The following BDKRB2 variants were observed in gnomAD, a reference collection of about 807,000 sequenced individuals.
BDKRB2 encodes B2 bradykinin receptor.
BDKRB2 carries 6 observed loss-of-function variants against 4.0 expected under a neutral mutation model. The ratio of observed to expected loss-of-function variants is 1.49; its 90% CI spans 0.81 to 2.93. The LOEUF is 2.93. Among genes scored for constraint, BDKRB2 ranks in the 30% most tolerant of loss-of-function variants. BDKRB2 has a pLI of 0.00. For missense variants in BDKRB2, 478 were observed against 520.1 expected (o/e 0.92, Z 0.79); for synonymous variants, 225 against 215.3 (o/e 1.05, Z -0.40).
rs113003845 is a variant in BDKRB2, at chr14:96,244,103, G to A, written c.*2599G>A. 1.1e-3 allele frequency: 425 copies of A among 398,340 alleles called. 1 individual carries two copies. The highest frequency in any genetic ancestry group is 7.6e-3 in the African/African-American group (371 of 48,744). 24.7% of individuals were successfully genotyped at this position (398,340 alleles called of 1,614,324 possible). A position where few individuals can be genotyped will look rare whatever the true frequency, so the allele number is the denominator to read the frequency against. On this transcript the variant is annotated 3_prime_UTR_variant, in exon 3 of 3. Coordinates refer to ENST00000554311, the MANE Select transcript of BDKRB2 (RefSeq NM_001379692.1). ...AACAGGAAGCATTTCACATCCAAAC[G>A]AGAAAATCATGTAAACATGTGTCTT...
At chr14:96,240,091 T>A (rs1885232818) in intron 2 of BDKRB2, 2 of 1,097,094 alleles carry the variant, frequency 1.8e-6, no homozygotes, top group East Asian at 1.1e-4. Flanking sequence ...TCACGGAAGC[T>A]TCAAGGAGGT....
At chr14:96,227,292 A>C (rs1219657385) in intron 1 of BDKRB2, among the ~76,000 whole-genome samples, 2 of 152,214 alleles carry the variant, frequency 1.3e-5, no homozygotes, top group African/African-American at 2.4e-5. Context: ...TGCAATCATT[A>C]ATGTACTTTG....
In BDKRB2 at chr14:96,241,068, T is replaced by C; in HGVS notation, c.740T>C (p.Ile247Thr). Residue 247 changes from isoleucine to threonine, a missense_variant, in exon 3 of 3, where the codon ATC becomes ACC. Ile to Thr is a moderately conservative substitution (Grantham distance 89). Transcript: ENST00000554311. The stretch of plus-strand genomic sequence containing the variant: ...GTCATCACCTTCTGCACGATGCAGA[T>C]CATGCAGGTGCTGCGGAACAACGAG... ...LSVITFCTMQ[I>T]MQVLRNNEMQ... The C allele has an allele frequency of 9.3e-6, 15 of 1,614,034 alleles. No individual in the cohort carries two copies. Among genetic ancestry groups the C allele is most frequent in the Non-Finnish European group, 1.3e-5 (15 of 1,179,934 alleles).
rs1200754369 is a variant in BDKRB2, at chr14:96,219,818, C to T, written c.-40+14859C>T. Among the ~76,000 whole-genome samples, 3 of 151,802 alleles carry T rather than the reference C, an allele frequency of 2.0e-5. No individual in the cohort carries two copies. In the East Asian group the frequency reaches 5.8e-4, roughly 29 times the overall value. On this transcript the variant is annotated intron_variant, in intron 1 of 2. Transcript: ENST00000554311. ...GAGCACTGGGGCTGGGGTGTCTCTA[C>T]GGTGCCTGGGAGGGTCTCCTAGAGA...
At chr14:96,240,170 C>A (rs544705534) in intron 2 of BDKRB2, 1 of 1,259,322 alleles carries the variant, frequency 7.9e-7, no homozygotes, top group Non-Finnish European at 1.0e-6. Flanking sequence ...CCCAGTGGAG[C>A]CTCGAGATGA....
Position 96,238,943 on chromosome 14 carries a change from G to A in BDKRB2, c.75-1460G>A, listed in dbSNP as rs189213450. The A allele has an allele frequency of 4.4e-5, 43 of 985,482 alleles. No homozygotes were observed. In the East Asian group the frequency reaches 1.8e-3, roughly 42 times the overall value. 61.0% of individuals were successfully genotyped at this position (985,482 alleles called of 1,614,324 possible). On this transcript the variant is annotated intron_variant, in intron 2 of 2. Transcript: ENST00000554311. ...GGGCAGAGCTCAGCACAGAGCAGAC[G>A]CTCAAAAAACATTTAAAGGATAGAA...
At chr14:96,207,876 A>G (rs923336145) in intron 1 of BDKRB2, among the ~76,000 whole-genome samples, 5 of 152,150 alleles carry the variant, frequency 3.3e-5, no homozygotes, top group African/African-American at 4.8e-5. Context: ...AAACAATCAG[A>G]CCTGCCAAGA....
In BDKRB2 at chr14:96,241,791, A is replaced by G; in HGVS notation, c.*287A>G. ...CCAGCCTGCTCCTTCCCAGGAGTGG[A>G]GGAGGCCTGGGGGCAGGGAGAGGAG... On this transcript the variant is annotated 3_prime_UTR_variant, in exon 3 of 3. Coordinates refer to ENST00000554311, the MANE Select transcript of BDKRB2 (RefSeq NM_001379692.1). 3.3e-6 allele frequency: 1 copy of G among 300,892 alleles called. No homozygotes were observed. The highest frequency in any genetic ancestry group is 6.0e-6 in the Non-Finnish European group (1 of 166,798). 18.6% of individuals were successfully genotyped at this position (300,892 alleles called of 1,614,324 possible).
chr14:96,240,419 G>A lies in BDKRB2; in HGVS notation c.91G>A (p.Val31Ile). ...TTCTTTCAGCGCCGACATGCTCAAT[G>A]TCACCTTGCAAGGGCCCACTCTTAA... is the stretch of plus-strand genomic sequence containing the variant. ...TASFSADMLN[V>I]TLQGPTLNGT... Residue 31 changes from valine to isoleucine, a missense_variant, in exon 3 of 3, where the codon GTC (valine) becomes ATC (isoleucine). Val to Ile is a conservative substitution (Grantham distance 29). Transcript: ENST00000554311. 1 of 1,460,316 alleles carries A rather than the reference G, an allele frequency of 6.8e-7. No individual in the cohort carries two copies. The allele number at this position is 1,460,316 out of a possible 1,614,324, so 90.5% of individuals were successfully genotyped here.
intron 1 of BDKRB2, among the ~76,000 whole-genome samples, chr14:96,211,949 G>C (rs139525821): frequency 1.3e-5 from 2 of 152,268 alleles, no homozygotes; most frequent in African/African-American, 4.8e-5. Flanking sequence ...GGACACAGCC[G>C]GCGGTGCATT....
chr14:96,226,823 C>T lies in BDKRB2; in HGVS notation c.-39-10246C>T, dbSNP rs189944350. ...AAATAATTTCCAAGAGCCCTTCCCA[C>T]ACTAATACTCCAGGATTCTGTAAGG... is the stretch of plus-strand genomic sequence containing the variant. On this transcript the variant is annotated intron_variant, in intron 1 of 2. Transcript: ENST00000554311. 4.7e-4 allele frequency among the ~76,000 whole-genome samples: 71 copies of T among 152,336 alleles called. 1 individual carries two copies. The South Asian group carries it at 8.5e-3, about 18-fold the overall frequency.
chr14:96,209,938 G>A lies in BDKRB2; in HGVS notation c.-40+4979G>A, dbSNP rs147005849. 9.8e-3 allele frequency among the ~76,000 whole-genome samples: 1,492 copies of A among 152,256 alleles called. 33 individuals carry two copies. Among genetic ancestry groups the A allele is most frequent in the African/African-American group, 0.035 (1,442 of 41,530 alleles). On this transcript the variant is annotated intron_variant, in intron 1 of 2. Coordinates refer to ENST00000554311, the MANE Select transcript of BDKRB2 (RefSeq NM_001379692.1). Reference sequence around the variant, plus strand: ...TTGAACTCAGGAGGCAGAGGTTGCAGGGAGCTGAGATCACACCACTGCACT... The same window carrying A: ...TTGAACTCAGGAGGCAGAGGTTGCAAGGAGCTGAGATCACACCACTGCACT...
At position 96,227,699 on chromosome 14, in the gene BDKRB2, A is replaced by G. The variant is rs578049571; in HGVS notation, c.-39-9370A>G. ...TGTGCACACAAACACACACATGCACACACACACACAAATGCACACACATGC... is the reference window on the plus strand; with the variant it reads ...TGTGCACACAAACACACACATGCACGCACACACACAAATGCACACACATGC... On this transcript the variant is annotated intron_variant, in intron 1 of 2. Coordinates refer to ENST00000554311, the MANE Select transcript of BDKRB2 (RefSeq NM_001379692.1). Among the ~76,000 whole-genome samples, 6 of 152,302 alleles carry G rather than the reference A, an allele frequency of 3.9e-5. No individual in the cohort carries two copies. The East Asian group carries it at 9.6e-4, about 24-fold the overall frequency.
intron 1 of BDKRB2, among the ~76,000 whole-genome samples, chr14:96,231,329 G>A (rs182161534): frequency 6.6e-6 from 1 of 152,224 alleles, no homozygotes; most frequent in Admixed American, 6.5e-5. Flanking sequence ...ATTCTCTTTG[G>A]GAGTTCTGAG....
chr14:96,240,341 C>A, intron 2 of BDKRB2, 62 bp from the exon 3 acceptor site: 1 of 1,398,382 alleles, frequency 7.2e-7, no homozygotes, highest in Non-Finnish European at 9.3e-7. Context: ...TCCTTCTGGA[C>A]CAGTTTTTGT....
At chr14:96,234,954 G>A (rs1337102565) in intron 1 of BDKRB2, among the ~76,000 whole-genome samples, 5 of 152,190 alleles carry the variant, frequency 3.3e-5, no homozygotes, top group Admixed American at 1.3e-4. Context: ...AGTTCAGCCC[G>A]AGTGAGCCCC....
At chr14:96,214,560 CTCCCTCGTCCAGA>C (rs1890376224) in intron 1 of BDKRB2, 1 of 152,312 alleles carries the variant, frequency 6.6e-6, no homozygotes, top group Non-Finnish European at 1.5e-5. Flanking sequence ...CCTGGTGAGA[CTCCCTCGTCCAGA>C]CCCCTTCGTT....
At chr14:96,214,020 G>A (rs1272646271) in intron 1 of BDKRB2, among the ~76,000 whole-genome samples, 1 of 152,184 alleles carries the variant, frequency 6.6e-6, no homozygotes, top group Non-Finnish European at 1.5e-5. Context: ...AGGGGAAGGA[G>A]GAGCTGGGGC....
intron 1 of BDKRB2, chr14:96,223,166 G>A (rs1036573045): frequency 2.2e-5 from 26 of 1,179,216 alleles, no homozygotes; most frequent in South Asian, 3.7e-5. Flanking sequence ...TTTGAGTATC[G>A]ACATGTCATG....
Sources: gnomAD v4.1 joint callset for allele counts (sites outside exome capture counted in the v4.1 genomes callset) on GRCh38, gnomAD v4.1.1 for gene constraint, MANE v1.5 for transcripts, NCBI Gene and HGNC (gene_info 2026-07-23, HGNC 2026-07-21) for gene names.